Variants in LIN7A observed in about 807,000 individuals in gnomAD.
The protein encoded by LIN7A is lin-7 cell polarity scaffold A.
Under a neutral mutation model 29.8 loss-of-function variants are expected in LIN7A, and 25 were observed. The observed-to-expected ratio is 0.84, with a 90% CI of 0.61 to 1.17. The LOEUF is 1.17. Ranked by LOEUF, LIN7A falls within the 50% of genes most tolerant of loss-of-function variation. The probability of loss-of-function intolerance (pLI) is 0.00; values close to 1 mark genes in which losing one functional copy is unlikely to be tolerated. For missense variants in LIN7A, 239 were observed against 287.0 expected (o/e 0.83, Z 1.21); for synonymous variants, 118 against 107.5 (o/e 1.10, Z -0.60).
At chr12:80,798,190 AG>A (rs1281647165) in intron 5 of LIN7A, among the ~76,000 whole-genome samples, 1 of 152,170 alleles carries the variant, frequency 6.6e-6, no homozygotes, top group Non-Finnish European at 1.5e-5. Flanking sequence ...TCATAAGGTC[AG>A]CCTGACACCA....
intron 5 of LIN7A, among the ~76,000 whole-genome samples, chr12:80,805,605 T>C (rs1381257729): frequency 6.6e-6 from 1 of 152,138 alleles, no homozygotes; most frequent in Non-Finnish European, 1.5e-5. Flanking sequence ...TTTCTTCTTA[T>C]TTTTATTTTT....
intron 4 of LIN7A, among the ~76,000 whole-genome samples, chr12:80,841,025 G>A (rs1045949237): frequency 5.3e-5 from 8 of 152,142 alleles, no homozygotes; most frequent in African/African-American, 1.7e-4. Context: ...TCTTGGTTCT[G>A]CCATCTGGTG....
At chr12:80,800,099 C>T (rs143146854) in intron 5 of LIN7A, among the ~76,000 whole-genome samples, 1 of 152,256 alleles carries the variant, frequency 6.6e-6, no homozygotes, top group East Asian at 1.9e-4. Flanking sequence ...CACATCACTA[C>T]AAATACCATG....
chr12:80,816,017 A>T (rs1300961114), intron 4 of LIN7A, among the ~76,000 whole-genome samples: 1 of 152,184 alleles, frequency 6.6e-6, no homozygotes, highest in Non-Finnish European at 1.5e-5. Flanking sequence ...GCATACTTGA[A>T]ATGAATTAAA....
At chr12:80,856,702 A>ATTATATATCTGAAGTTTAATTATATT (rs1213788685) in intron 2 of LIN7A, among the ~76,000 whole-genome samples, 2 of 152,216 alleles carry the variant, frequency 1.3e-5, no homozygotes, top group East Asian at 3.8e-4. Flanking sequence ...AACTTCAGTT[A>ATTATATATCTGAAGTTTAATTATATT]ACACTCATTA....
rs1430930853 is a variant in LIN7A at position 80,926,696 on chromosome 12, G to A, written c.82+10945C>T. Among the ~76,000 whole-genome samples the A allele has an allele frequency of 4.6e-5, 7 of 152,114 alleles. No individual in the cohort carries two copies. In the East Asian group the frequency reaches 7.7e-4, roughly 17 times the overall value. ...GACAATCCCAGCACTTTGGGAGGCC[G>A]AGGCAGGTGGATCATGAGGTCAGGA... On this transcript the variant is annotated intron_variant, in intron 1 of 5. Transcript: ENST00000552864.
At chr12:80,850,285 A>G (rs1873266040) in intron 2 of LIN7A, among the ~76,000 whole-genome samples, 1 of 152,168 alleles carries the variant, frequency 6.6e-6, no homozygotes. Context: ...TCCTCATTTT[A>G]AAAATGTGCC....
intron 2 of LIN7A, among the ~76,000 whole-genome samples, chr12:80,859,593 C>T (rs1873765473): frequency 6.6e-6 from 1 of 152,014 alleles, no homozygotes; most frequent in Non-Finnish European, 1.5e-5. Context: ...TAAGCCCAGC[C>T]TTAATCATAT....
chr12:80,915,942 G>C (rs1404672571), intron 1 of LIN7A, among the ~76,000 whole-genome samples: 1 of 152,078 alleles, frequency 6.6e-6, no homozygotes, highest in Admixed American at 6.6e-5. Flanking sequence ...TCACTGCCTG[G>C]GTGATGGATT....
intron 1 of LIN7A, among the ~76,000 whole-genome samples, chr12:80,901,142 G>A (rs1336743722): frequency 4.6e-5 from 7 of 152,120 alleles, no homozygotes; most frequent in Admixed American, 4.6e-4. Flanking sequence ...TAGAAGTACA[G>A]CTGTAGGAAT....
intron 1 of LIN7A, among the ~76,000 whole-genome samples, chr12:80,899,631 G>A (rs1876090605): frequency 6.6e-6 from 1 of 151,916 alleles, no homozygotes; most frequent in Non-Finnish European, 1.5e-5. Flanking sequence ...TTTCTGGTTG[G>A]TATGCTGTGT....
intron 2 of LIN7A, among the ~76,000 whole-genome samples, chr12:80,855,497 C>T (rs1873550937): frequency 1.3e-5 from 2 of 152,016 alleles, no homozygotes; most frequent in African/African-American, 4.8e-5. Flanking sequence ...ATCTTCATTA[C>T]ATTAAAAATA....
chr12:80,884,340 A>G (rs1398557911), intron 2 of LIN7A, among the ~76,000 whole-genome samples: 2 of 152,190 alleles, frequency 1.3e-5, no homozygotes, highest in East Asian at 1.9e-4. Context: ...CTGATGTACA[A>G]TAATCTCTAA....
intron 2 of LIN7A, among the ~76,000 whole-genome samples, chr12:80,881,255 A>C (rs967823896): frequency 2.6e-5 from 4 of 152,208 alleles, no homozygotes. Flanking sequence ...ATCACACAAG[A>C]AACAGTCTGG....
intron 4 of LIN7A, among the ~76,000 whole-genome samples, chr12:80,845,104 G>A (rs1024993276): frequency 1.3e-5 from 2 of 151,956 alleles, no homozygotes; most frequent in Admixed American, 1.3e-4. Context: ...GGGCTTGGTG[G>A]CGGGCGCCTG....
At chr12:80,809,547 A>T (rs1871190624) in intron 5 of LIN7A, among the ~76,000 whole-genome samples, 1 of 152,238 alleles carries the variant, frequency 6.6e-6, no homozygotes, top group Non-Finnish European at 1.5e-5. Context: ...CTGATGGAGT[A>T]AAAAGGAAAA....
At chr12:80,897,194 A>G (rs1875950616) in intron 1 of LIN7A, among the ~76,000 whole-genome samples, 1 of 150,456 alleles carries the variant, frequency 6.6e-6, no homozygotes, top group Non-Finnish European at 1.5e-5. Flanking sequence ...TTTCTGTTTC[A>G]GCTTTCATTT....
At chr12:80,840,029 AT>A (rs969200560) in intron 4 of LIN7A, among the ~76,000 whole-genome samples, 3 of 151,864 alleles carry the variant, frequency 2.0e-5, no homozygotes, top group Admixed American at 6.6e-5. Context: ...AGTATGCCAT[AT>A]TTTTTTTAAG....
intron 2 of LIN7A, among the ~76,000 whole-genome samples, chr12:80,852,737 C>G (rs976728848): frequency 1.3e-5 from 2 of 152,026 alleles, no homozygotes; most frequent in Non-Finnish European, 2.9e-5. Context: ...GGTTTATTGC[C>G]TTTTGTATTT....
Sources: allele counts gnomAD v4.1 joint callset (sites outside exome capture counted in the v4.1 genomes callset), GRCh38; gene constraint gnomAD v4.1.1; transcripts MANE v1.5; gene names NCBI Gene and HGNC (gene_info 2026-07-23, HGNC 2026-07-21).